SYBU: variants seen among roughly 807,000 people sequenced by gnomAD.
SYBU encodes syntabulin.
A neutral mutation model predicts 35.9 loss-of-function variants in SYBU; 21 were observed. The ratio of observed to expected loss-of-function variants is 0.58; its 90% CI spans 0.41 to 0.84. SYBU has a LOEUF of 0.84. SYBU is among the 40% of genes least tolerant of loss of function. SYBU has a pLI of 0.00. For synonymous variants in SYBU, 319 were observed against 324.3 expected (o/e 0.98, Z 0.18); for missense variants, 768 against 848.2 (o/e 0.91, Z 1.17).
At chr8:109,686,432 A>C (rs746970805) in intron 1 of SYBU, among the ~76,000 whole-genome samples, 2 of 152,224 alleles carry the variant, frequency 1.3e-5, no homozygotes, top group African/African-American at 4.8e-5. Context: ...AAAGACACGC[A>C]TCAATGTGAT....
intron 3 of SYBU, among the ~76,000 whole-genome samples, chr8:109,613,966 C>A (rs1375796500): frequency 2.1e-4 from 32 of 152,302 alleles, no homozygotes; most frequent in South Asian, 4.1e-4. Flanking sequence ...TGTCTGATGA[C>A]AAGGGGATAC....
intron 1 of SYBU, among the ~76,000 whole-genome samples, chr8:109,674,281 A>T (rs1231763737): frequency 6.6e-6 from 1 of 151,892 alleles, no homozygotes; most frequent in Non-Finnish European, 1.5e-5. Flanking sequence ...AGGGCAGCCC[A>T]AGAGAAAGGT....
chr8:109,682,314 T>C (rs750053477), upstream of SYBU, among the ~76,000 whole-genome samples: 6 of 152,184 alleles, frequency 3.9e-5, no homozygotes, highest in South Asian at 6.2e-4. Context: ...GTGGGAAAGT[T>C]TGCAACTTCC....
chr8:109,622,181 GTATCTATCTATCTATCTATCTATC>G (rs33965004), intron 2 of SYBU, among the ~76,000 whole-genome samples: 5 of 146,358 alleles, frequency 3.4e-5, no homozygotes, highest in African/African-American at 1.3e-4. Flanking sequence ...AATAATATGA[GTATCTATCTATCTATCTATCTATC>G]TATCTATCTA....
chr8:109,583,120 T>G (rs1161256267), intron 4 of SYBU, among the ~76,000 whole-genome samples: 2 of 152,162 alleles, frequency 1.3e-5, no homozygotes, highest in Non-Finnish European at 2.9e-5. Flanking sequence ...ACAGCAACAG[T>G]ACCATGTCTC....
At chr8:109,603,692 G>GT (rs1380834350) in intron 3 of SYBU, among the ~76,000 whole-genome samples, 25 of 152,322 alleles carry the variant, frequency 1.6e-4, no homozygotes, top group East Asian at 5.8e-4. Flanking sequence ...TTGCATGGCA[G>GT]TAAAAACAAG....
chr8:109,653,180 A>C (rs1419526830), intron 1 of SYBU, among the ~76,000 whole-genome samples: 1 of 152,158 alleles, frequency 6.6e-6, no homozygotes, highest in East Asian at 1.9e-4. Context: ...ATTCCTAGGC[A>C]TCTATTTTAT....
rs550926497 is a variant in SYBU at position 109,577,752 on chromosome 8, C to T, written c.884+116G>A. On this transcript the variant is annotated intron_variant, in intron 6 of 6. Coordinates refer to ENST00000276646, the MANE Select transcript of SYBU (RefSeq NM_001099754.2). ...TCAGAGGCTGACTTTAAAAATTTGA[C>T]CAAAATTGAATACAATCATTTTTTC... 8 of 1,199,908 alleles carry T rather than the reference C, an allele frequency of 6.7e-6. No homozygotes were observed. In the African/African-American group the frequency reaches 7.7e-5, roughly 12 times the overall value. 74.3% of individuals were successfully genotyped at this position (1,199,908 alleles called of 1,614,324 possible). A position where few individuals can be genotyped will look rare whatever the true frequency, so the allele number is the denominator to read the frequency against.
At chr8:109,643,219 A>G (rs760143100) in intron 1 of SYBU, 170 of 1,092,338 alleles carry the variant, frequency 1.6e-4, no homozygotes, top group Non-Finnish European at 1.8e-4. Flanking sequence ...CTACTTCCCT[A>G]TGCTGGTCCT....
chr8:109,587,519 G>A (rs1823757994), intron 3 of SYBU, among the ~76,000 whole-genome samples: 1 of 152,180 alleles, frequency 6.6e-6, no homozygotes, highest in Non-Finnish European at 1.5e-5. Flanking sequence ...AACAGGAGAA[G>A]TTCTTAAAGA....
chr8:109,577,610 AAAC>A (rs781416520), intron 6 of SYBU, among the ~76,000 whole-genome samples: 49 of 152,288 alleles, frequency 3.2e-4, no homozygotes, highest in African/African-American at 7.5e-4. Flanking sequence ...ATACACTGCA[AAAC>A]AACAACAACA....
chr8:109,650,220 G>C (rs1816066706), intron 1 of SYBU, among the ~76,000 whole-genome samples: 1 of 152,062 alleles, frequency 6.6e-6, no homozygotes, highest in Non-Finnish European at 1.5e-5. Context: ...ATTGTAATCT[G>C]GGTTCCTGGA....
intron 1 of SYBU, among the ~76,000 whole-genome samples, chr8:109,659,182 T>A (rs1816472370): frequency 6.6e-6 from 1 of 152,204 alleles, no homozygotes; most frequent in Admixed American, 6.5e-5. Context: ...AGATGTGTGA[T>A]GACTTTTCCA....
At chr8:109,644,962 C>T, upstream of SYBU, 1 of 521,280 alleles carries the variant, frequency 1.9e-6, no homozygotes, top group South Asian at 2.0e-5. Flanking sequence ...GCGCGCCCCA[C>T]CCGCCCGATT....
intron 2 of SYBU, among the ~76,000 whole-genome samples, chr8:109,639,329 T>C (rs910573333): frequency 2.0e-5 from 3 of 152,226 alleles, no homozygotes; most frequent in African/African-American, 7.2e-5. Context: ...TGAAGCTCAT[T>C]ACATTATCTT....
At chr8:109,651,448 C>CTTTTT (rs535652540) in intron 1 of SYBU, among the ~76,000 whole-genome samples, 8 of 64,468 alleles carry the variant, frequency 1.2e-4, no homozygotes, top group Admixed American at 4.1e-4. Flanking sequence ...GAAATTGAGA[C>CTTTTT]TTTTTTTTTT....
chr8:109,629,444 T>C (rs1269650152), intron 2 of SYBU, among the ~76,000 whole-genome samples: 1 of 152,198 alleles, frequency 6.6e-6, no homozygotes, highest in Non-Finnish European at 1.5e-5. Flanking sequence ...CATACAAAAC[T>C]GGCACTAGTG....
chr8:109,583,338 T>G (rs537725227), intron 4 of SYBU, among the ~76,000 whole-genome samples: 2 of 152,360 alleles, frequency 1.3e-5, no homozygotes, highest in Middle Eastern at 3.4e-3. Context: ...ATCCCAGGTC[T>G]GTCTGACTCC....
chr8:109,663,240 G>A (rs1228163153), intron 1 of SYBU, among the ~76,000 whole-genome samples: 2 of 146,720 alleles, frequency 1.4e-5, no homozygotes, highest in Non-Finnish European at 3.0e-5. Flanking sequence ...GGAAGGGTCA[G>A]TTTAATAAAA....
Sources: allele counts gnomAD v4.1 joint callset (sites outside exome capture counted in the v4.1 genomes callset), GRCh38; gene constraint gnomAD v4.1.1; transcripts MANE v1.5; gene names NCBI Gene and HGNC (gene_info 2026-07-23, HGNC 2026-07-21).